Variants in NALF1 observed in about 807,000 individuals in gnomAD.
NALF1 encodes the protein family with sequence similarity 155 member A.
Under a neutral mutation model 48.4 loss-of-function variants are expected in NALF1, and 3 were observed. The ratio of observed to expected loss-of-function variants is 0.06; its 90% CI spans 0.03 to 0.16. NALF1 has a LOEUF of 0.16. NALF1 is among the 10% of genes least tolerant of loss of function. The probability of loss-of-function intolerance (pLI) is 1.00; values close to 1 mark genes in which losing one functional copy is unlikely to be tolerated. For synonymous variants in NALF1, 262 were observed against 245.7 expected (o/e 1.07, Z -0.62); for missense variants, 526 against 571.5 (o/e 0.92, Z 0.81).
intron 1 of NALF1, among the ~76,000 whole-genome samples, chr13:107,653,764 A>G (rs1243735098): frequency 6.6e-6 from 1 of 152,036 alleles, no homozygotes; most frequent in African/African-American, 2.4e-5. Flanking sequence ...CTTGACTCTC[A>G]TAGGGCTCCC....
At chr13:107,793,677 A>C (rs1360959575) in intron 1 of NALF1, among the ~76,000 whole-genome samples, 1 of 152,254 alleles carries the variant, frequency 6.6e-6, no homozygotes, top group Non-Finnish European at 1.5e-5. Context: ...ACATGTCATA[A>C]GTTTGAGTCA....
At position 107,170,425 on chromosome 13, in the gene NALF1, C is replaced by A; in HGVS notation, c.*72G>T. On this transcript the variant is annotated 3_prime_UTR_variant, in exon 3 of 3. Transcript: ENST00000375915. ...ATTCGAGGGTAAAAGCACCCAGTTTCTGTTACATGAGACAGCAGTTGCCAT... is the reference window on the plus strand; with the variant it reads ...ATTCGAGGGTAAAAGCACCCAGTTTATGTTACATGAGACAGCAGTTGCCAT... The A allele has an allele frequency of 6.8e-7, 1 of 1,478,464 alleles. No homozygotes were observed. 91.6% of individuals were successfully genotyped at this position (1,478,464 alleles called of 1,614,324 possible). A position where few individuals can be genotyped will look rare whatever the true frequency, so the allele number is the denominator to read the frequency against.
intron 1 of NALF1, among the ~76,000 whole-genome samples, chr13:107,617,933 C>T (rs1286945107): frequency 6.6e-6 from 1 of 152,148 alleles, no homozygotes; most frequent in African/African-American, 2.4e-5. Context: ...TGCTTTATAA[C>T]TAAACTGACA....
chr13:107,186,424 G>A (rs1326698264), intron 2 of NALF1, among the ~76,000 whole-genome samples: 3 of 152,170 alleles, frequency 2.0e-5, no homozygotes, highest in African/African-American at 7.2e-5. Flanking sequence ...CTGGAATGCA[G>A]TGGCATGATC....
At chr13:107,626,549 A>G (rs1047491852) in intron 1 of NALF1, among the ~76,000 whole-genome samples, 19 of 152,158 alleles carry the variant, frequency 1.2e-4, no homozygotes, top group Non-Finnish European at 2.5e-4. Context: ...GGATGATGAG[A>G]ATGTGTAAAT....
At chr13:107,548,827 T>C (rs1413335687) in intron 1 of NALF1, among the ~76,000 whole-genome samples, 1 of 151,986 alleles carries the variant, frequency 6.6e-6, no homozygotes, top group Admixed American at 6.6e-5. Context: ...TGTGTGTGTG[T>C]GTTTGTATTA....
At chr13:107,306,133 A>G (rs1881932291) in intron 1 of NALF1, among the ~76,000 whole-genome samples, 1 of 152,182 alleles carries the variant, frequency 6.6e-6, no homozygotes, top group African/African-American at 2.4e-5. Context: ...AGAACCATAA[A>G]TTTAAAATTA....
intron 1 of NALF1, among the ~76,000 whole-genome samples, chr13:107,398,330 C>T (rs1337360332): frequency 6.7e-6 from 1 of 149,272 alleles, no homozygotes; most frequent in Non-Finnish European, 1.5e-5. Context: ...CAAATAAAGG[C>T]GATATGGAAT....
chr13:107,413,019 A>G (rs1380046986), intron 1 of NALF1, among the ~76,000 whole-genome samples: 1 of 152,194 alleles, frequency 6.6e-6, no homozygotes, highest in Admixed American at 6.5e-5. Flanking sequence ...AAACCACATG[A>G]AAAATTTTAA....
intron 1 of NALF1, among the ~76,000 whole-genome samples, chr13:107,284,314 C>T (rs1259261180): frequency 1.5e-5 from 2 of 132,922 alleles, no homozygotes; most frequent in Non-Finnish European, 3.5e-5. Flanking sequence ...AAAAACATCA[C>T]AAAGTATATG....
Position 107,779,951 on chromosome 13 carries a change from C to T in NALF1, c.915+85731G>A, listed in dbSNP as rs113602994. Among the ~76,000 whole-genome samples, 28 of 151,926 alleles carry T rather than the reference C, an allele frequency of 1.8e-4. 1 individual carries two copies. The highest frequency in any genetic ancestry group is 6.0e-4 in the African/African-American group (25 of 41,404). The stretch of plus-strand genomic sequence containing the variant: ...TTAAGCCATTTGGAAAACAAAATTG[C>T]ATTTTTAAAAGTTAGTATGGAATGT... On this transcript the variant is annotated intron_variant, in intron 1 of 2. Coordinates refer to ENST00000375915, the MANE Select transcript of NALF1 (RefSeq NM_001080396.3).
intron 1 of NALF1, among the ~76,000 whole-genome samples, chr13:107,683,995 CA>C (rs1881367819): frequency 6.6e-6 from 1 of 152,200 alleles, no homozygotes; most frequent in African/African-American, 2.4e-5. Context: ...GAGCCACCTC[CA>C]AAGCATCCTT....
intron 1 of NALF1, among the ~76,000 whole-genome samples, chr13:107,430,198 A>C (rs2139016124): frequency 6.6e-6 from 1 of 152,348 alleles, no homozygotes; most frequent in East Asian, 1.9e-4. Context: ...AGCGGTTGGA[A>C]TATAATAGTG....
intron 1 of NALF1, among the ~76,000 whole-genome samples, chr13:107,262,724 G>A (rs987702479): frequency 2.7e-5 from 4 of 150,594 alleles, no homozygotes; most frequent in East Asian, 1.9e-4. Flanking sequence ...TTATCAGGGT[G>A]AAAGACATCC....
At chr13:107,298,241 T>TA (rs1314329320) in intron 1 of NALF1, among the ~76,000 whole-genome samples, 1 of 146,642 alleles carries the variant, frequency 6.8e-6, no homozygotes, top group Non-Finnish European at 1.5e-5. Context: ...TCCCAACTAC[T>TA]AGGGAGGCTG....
intron 1 of NALF1, among the ~76,000 whole-genome samples, chr13:107,780,158 C>T (rs1877846501): frequency 1.3e-5 from 2 of 151,706 alleles, no homozygotes; most frequent in Non-Finnish European, 2.9e-5. Context: ...ATTTACTGCC[C>T]TTAGATTTAA....
chr13:107,754,433 T>C (rs953772392), intron 1 of NALF1, among the ~76,000 whole-genome samples: 1 of 151,754 alleles, frequency 6.6e-6, no homozygotes, highest in African/African-American at 2.4e-5. Context: ...TGAGCACATT[T>C]AGCTTAGCAA....
chr13:107,560,376 CT>C (rs1286126974), intron 1 of NALF1, among the ~76,000 whole-genome samples: 8 of 152,142 alleles, frequency 5.3e-5, no homozygotes, highest in African/African-American at 1.7e-4. Context: ...TACCCAAGGA[CT>C]TGTCTGATGA....
At chr13:107,436,623 A>T (rs1167287066) in intron 1 of NALF1, among the ~76,000 whole-genome samples, 1 of 152,170 alleles carries the variant, frequency 6.6e-6, no homozygotes, top group East Asian at 1.9e-4. Flanking sequence ...CTGGCATCAT[A>T]TAGTTAACAG....
Sources: gnomAD v4.1 joint callset for allele counts (sites outside exome capture counted in the v4.1 genomes callset) on GRCh38, gnomAD v4.1.1 for gene constraint, MANE v1.5 for transcripts, NCBI Gene and HGNC (gene_info 2026-07-23, HGNC 2026-07-21) for gene names.